IFI44L: variants seen among roughly 807,000 people sequenced by gnomAD.
IFI44L encodes interferon-induced protein 44-like.
IFI44L carries 40 observed loss-of-function variants against 39.3 expected under a neutral mutation model. The observed-to-expected ratio is 1.02, with a 90% CI of 0.79 to 1.33. The LOEUF (loss-of-function observed/expected upper bound fraction) is 1.33. IFI44L is among the 40% of genes most tolerant of loss of function. IFI44L has a pLI of 0.00. For synonymous variants in IFI44L, 198 were observed against 182.3 expected (o/e 1.09, Z -0.69); for missense variants, 623 against 549.0 (o/e 1.13, Z -1.35).
At position 78,641,114 on chromosome 1, in the gene IFI44L, A is replaced by G; in HGVS notation, c.1142A>G (p.Gln381Arg). 1 of 1,605,148 alleles carries G rather than the reference A, an allele frequency of 6.2e-7. No individual in the cohort carries two copies. The highest frequency in any genetic ancestry group is 8.5e-7 in the Non-Finnish European group (1 of 1,172,236). The change falls in exon 7 of 9, where the codon CAA becomes CGA. Residue 381 changes from glutamine to arginine, a missense_variant. Coordinates refer to ENST00000370751, the MANE Select transcript of IFI44L (RefSeq NM_006820.4). ...FLNMSRSMTS[Q>R]SRVMNVHKML... ...AACATGAGTAGATCTATGACTTCTCAAAGCCGGGTAAAAAATGCTGATCAT... is the reference window on the plus strand; with the variant it reads ...AACATGAGTAGATCTATGACTTCTCGAAGCCGGGTAAAAAATGCTGATCAT...
In IFI44L at chr1:78,640,852, A is replaced by G. The variant is rs189218322; in HGVS notation, c.1049-169A>G. ...ACATGTTGGAAAAAAAAGATCAAAGATCATTTCTCCTCTAGAAAAGCTTCA... is the reference window on the plus strand; with the variant it reads ...ACATGTTGGAAAAAAAAGATCAAAGGTCATTTCTCCTCTAGAAAAGCTTCA... On this transcript the variant is annotated intron_variant, in intron 6 of 8. Coordinates refer to ENST00000370751, the MANE Select transcript of IFI44L (RefSeq NM_006820.4). 6.2e-3 allele frequency among the ~76,000 whole-genome samples: 939 copies of G among 152,252 alleles called. 6 individuals carry two copies. The highest frequency in any genetic ancestry group is 0.01 in the Non-Finnish European group (686 of 67,996).
intron 6 of IFI44L, among the ~76,000 whole-genome samples, chr1:78,639,861 G>A (rs1445609282): frequency 5.9e-5 from 9 of 152,068 alleles, no homozygotes; most frequent in South Asian, 2.1e-4. Flanking sequence ...GTGCTATGCC[G>A]TTTAATGTAT....
At chr1:78,622,959 G>T (rs924925358) in intron 1 of IFI44L, among the ~76,000 whole-genome samples, 1 of 152,160 alleles carries the variant, frequency 6.6e-6, no homozygotes, top group Non-Finnish European at 1.5e-5. Context: ...AACCAAACTG[G>T]ATTTCTGACC....
At chr1:78,632,612 C>A (rs531364808) in intron 4 of IFI44L, among the ~76,000 whole-genome samples, 38 of 152,204 alleles carry the variant, frequency 2.5e-4, no homozygotes, top group African/African-American at 8.2e-4. Context: ...GAAGTTATTA[C>A]TTGTTGAGCT....
chr1:78,633,533 C>G (rs968406040), intron 4 of IFI44L, among the ~76,000 whole-genome samples: 7 of 152,136 alleles, frequency 4.6e-5, no homozygotes, highest in Admixed American at 1.3e-4. Flanking sequence ...GGCTTTGGGA[C>G]TATGCAAGGC....
At chr1:78,632,059 T>G (rs1301199309) in intron 4 of IFI44L, among the ~76,000 whole-genome samples, 2 of 151,580 alleles carry the variant, frequency 1.3e-5, no homozygotes, top group Non-Finnish European at 2.9e-5. Flanking sequence ...ATAAAGTACT[T>G]CTAATGCATA....
At position 78,643,998 on chromosome 1, in the gene IFI44L, A is replaced by G. The variant is rs1010082415; in HGVS notation, c.*2189A>G. 5.3e-5 allele frequency: 8 copies of G among 152,130 alleles called. No homozygotes were observed. The highest frequency in any genetic ancestry group is 1.9e-4 in the African/African-American group (8 of 41,426). 9.4% of individuals were successfully genotyped at this position (152,130 alleles called of 1,614,324 possible). A position where few individuals can be genotyped will look rare whatever the true frequency, so the allele number is the denominator to read the frequency against. ...ATGTAGTGGTTAATGTTTGCTGTTC[A>G]TTAGGATGGTTTCACAGTTACCATA... On this transcript the variant is annotated 3_prime_UTR_variant, in exon 9 of 9. Transcript: ENST00000370751.
intron 6 of IFI44L, among the ~76,000 whole-genome samples, chr1:78,639,266 T>A (rs1028799913): frequency 2.0e-5 from 3 of 152,106 alleles, no homozygotes; most frequent in Non-Finnish European, 4.4e-5. Flanking sequence ...ATAAATGTCC[T>A]GGCTCCCTAC....
intron 6 of IFI44L, among the ~76,000 whole-genome samples, chr1:78,640,535 G>A (rs1646969526): frequency 6.6e-6 from 1 of 152,100 alleles, no homozygotes; most frequent in Non-Finnish European, 1.5e-5. Context: ...GCAGTTGTTA[G>A]CATAGCAGAA....
chr1:78,640,878 G>A (rs1178450267), intron 6 of IFI44L, 143 bp from the exon 7 acceptor site: 1 of 534,138 alleles, frequency 1.9e-6, no homozygotes, highest in Non-Finnish European at 3.3e-6. Flanking sequence ...AAAAGCTTCA[G>A]GCTCCATATT....
At chr1:78,633,301 C>T (rs1557686570) in intron 4 of IFI44L, among the ~76,000 whole-genome samples, 1 of 152,158 alleles carries the variant, frequency 6.6e-6, no homozygotes, top group Non-Finnish European at 1.5e-5. Flanking sequence ...TGGCCCCAGA[C>T]TTTAGGCTGT....
chr1:78,637,591 C>G lies in IFI44L; in HGVS notation c.1048+388C>G, dbSNP rs191040537. Among the ~76,000 whole-genome samples, 765 of 152,206 alleles carry G rather than the reference C, an allele frequency of 5.0e-3. 6 individuals are homozygous for G. The highest frequency in any genetic ancestry group is 7.9e-3 in the Non-Finnish European group (534 of 67,946). ...ATCACTGCAACCAAATATTACATCACTTTGTAGATTTCCCTCATGGCACCC... is the reference window on the plus strand; with the variant it reads ...ATCACTGCAACCAAATATTACATCAGTTTGTAGATTTCCCTCATGGCACCC... On this transcript the variant is annotated intron_variant, in intron 6 of 8. Coordinates refer to ENST00000370751, the MANE Select transcript of IFI44L (RefSeq NM_006820.4).
chr1:78,644,669 T>A lies in IFI44L; in HGVS notation c.*2860T>A, dbSNP rs750274198. On this transcript the variant is annotated 3_prime_UTR_variant, in exon 9 of 9. Transcript: ENST00000370751. ...AGAGGTCATCCAGGATTTTTGAAAC[T>A]TTACATTCTTTACGGTTAAGCAAGA... The A allele has an allele frequency of 7.9e-5, 12 of 152,168 alleles. No individual in the cohort carries two copies. Among genetic ancestry groups the A allele is most frequent in the Non-Finnish European group, 1.8e-4 (12 of 68,028 alleles). The allele number at this position is 152,168 out of a possible 1,614,324, so 9.4% of individuals were successfully genotyped here. A position where few individuals can be genotyped will look rare whatever the true frequency, so the allele number is the denominator to read the frequency against.
Position 78,643,402 on chromosome 1 carries a change from A to G in IFI44L, c.*1593A>G, listed in dbSNP as rs1647010288. The G allele has an allele frequency of 1.3e-5, 2 of 152,164 alleles. No homozygotes were observed. The highest frequency in any genetic ancestry group is 1.3e-4 in the Admixed American group (2 of 15,262). The allele number at this position is 152,164 out of a possible 1,614,324, so 9.4% of individuals were successfully genotyped here. ...GTTCTTATTGCACAGTAACACACCA[A>G]TATACCAAAACAGCAGGTATTGCAG... is the stretch of plus-strand genomic sequence containing the variant. On this transcript the variant is annotated 3_prime_UTR_variant, in exon 9 of 9. Coordinates refer to ENST00000370751, the MANE Select transcript of IFI44L (RefSeq NM_006820.4).
chr1:78,628,749 G>A (rs936273544), intron 2 of IFI44L: 1 of 557,532 alleles, frequency 1.8e-6, no homozygotes, highest in African/African-American at 1.9e-5. Context: ...GTGTAATTAT[G>A]TGAGAGCTTC....
rs377062959 is a variant in IFI44L at position 78,641,810 on chromosome 1, G to C, written c.*1G>C. 5.8e-5 allele frequency: 93 copies of C among 1,613,456 alleles called. No homozygotes were observed. Among genetic ancestry groups the C allele is most frequent in the Non-Finnish European group, 7.7e-5 (91 of 1,179,550 alleles). On this transcript the variant is annotated 3_prime_UTR_variant, in exon 9 of 9. Coordinates refer to ENST00000370751, the MANE Select transcript of IFI44L (RefSeq NM_006820.4). ...GAGAGCGTTACAGCCCTGCATTTGA[G>C]ATAAGTTGCCTTGATTCTGACATTT...
chr1:78,641,335 G>A, intron 7 of IFI44L, 100 bp from the exon 8 acceptor site: 1 of 1,073,690 alleles, frequency 9.3e-7, no homozygotes, highest in Non-Finnish European at 1.4e-6. Context: ...AACTTATTAA[G>A]CCATTGCTTT....
rs1434817930 is a variant in IFI44L at position 78,643,586 on chromosome 1, A to G, written c.*1777A>G. On this transcript the variant is annotated 3_prime_UTR_variant, in exon 9 of 9. Coordinates refer to ENST00000370751, the MANE Select transcript of IFI44L (RefSeq NM_006820.4). ...CTGATTTGTTGGGGTATAGGGAATGAAATGAAACATACAGAGATGAAAACT... is the reference window on the plus strand; with the variant it reads ...CTGATTTGTTGGGGTATAGGGAATGGAATGAAACATACAGAGATGAAAACT... The G allele has an allele frequency of 6.6e-6, 1 of 151,760 alleles. No individual in the cohort carries two copies. The highest frequency in any genetic ancestry group is 1.5e-5 in the Non-Finnish European group (1 of 67,940). The allele number at this position is 151,760 out of a possible 1,614,324, so 9.4% of individuals were successfully genotyped here. A position where few individuals can be genotyped will look rare whatever the true frequency, so the allele number is the denominator to read the frequency against.
chr1:78,639,156 GA>G (rs35628409), intron 6 of IFI44L, among the ~76,000 whole-genome samples: 17 of 152,060 alleles, frequency 1.1e-4, no homozygotes, highest in South Asian at 2.1e-4. Flanking sequence ...TCCAGAGAGG[GA>G]AAAGAGCACC....
Sources: gnomAD v4.1 joint callset for allele counts (sites outside exome capture counted in the v4.1 genomes callset) on GRCh38, gnomAD v4.1.1 for gene constraint, MANE v1.5 for transcripts, NCBI Gene and HGNC (gene_info 2026-07-23, HGNC 2026-07-21) for gene names.